The following ZAN variants were observed in gnomAD, a reference collection of about 807,000 sequenced individuals.
The protein encoded by ZAN is zonadhesin, also known as zonadhesin (gene/pseudogene).
A neutral mutation model predicts 286.2 loss-of-function variants in ZAN; 260 were observed. The observed-to-expected ratio is 0.91, with a 90% confidence interval of 0.82 to 1.01. The LOEUF (loss-of-function observed/expected upper bound fraction) is 1.01, where lower values mean the gene tolerates loss of function less well. Ranked by LOEUF, ZAN falls within the 50% of genes least tolerant of loss-of-function variation. The probability of loss-of-function intolerance (pLI) is 0.00; values close to 1 mark genes in which losing one functional copy is unlikely to be tolerated. For missense variants in ZAN, 3,410 were observed against 3,639.2 expected (o/e 0.94, Z 1.62); for synonymous variants, 1,368 against 1,417.5 (o/e 0.97, Z 0.79).
intron 34 of ZAN, among the ~76,000 whole-genome samples, chr7:100,779,201 T>A (rs1296558111): frequency 2.8e-5 from 4 of 140,868 alleles, no homozygotes; most frequent in African/African-American, 1.1e-4. Context: ...AGACTCTGTC[T>A]CCAAAAAAAA....
chr7:100,783,763 A>AAAAATATAT (rs1562952263), intron 35 of ZAN, among the ~76,000 whole-genome samples: 3 of 7,482 alleles, frequency 4.0e-4, no homozygotes, highest in African/African-American at 1.1e-3. Flanking sequence ...AAAAAAAAAA[A>AAAAATATAT]ATATATATAT....
chr7:100,753,752 G>A (rs1186544525), intron 14 of ZAN, among the ~76,000 whole-genome samples: 1 of 147,936 alleles, frequency 6.8e-6, no homozygotes. Context: ...AGGATCACTT[G>A]AGCCTAGGAG....
chr7:100,758,449 G>T, intron 16 of ZAN, 82 bp from the exon 17 acceptor site: 1 of 1,564,108 alleles, frequency 6.4e-7, no homozygotes, highest in South Asian at 1.2e-5. Flanking sequence ...GCCTGCCACC[G>T]GGCAGCGGGT....
intron 39 of ZAN, among the ~76,000 whole-genome samples, 167 bp from the exon 40 acceptor site, chr7:100,790,775 C>T (rs759951848): frequency 6.7e-5 from 10 of 148,432 alleles, no homozygotes; most frequent in South Asian, 2.1e-4. Flanking sequence ...TCCAGCTACT[C>T]GGGAGGCTGA....
chr7:100,750,771 G>A lies in ZAN; in HGVS notation c.1396G>A (p.Glu466Lys), dbSNP rs369072360. The change falls in exon 12 of 48, where the codon GAA becomes AAA. Residue 466 changes from glutamate to lysine, a missense_variant. This residue lies in a region of ZAN where 872 missense variants were observed against 938.9 expected (regional missense o/e 0.93). Transcript: ENST00000613979. ...MYGLGEGTML[E>K]LLLGSPAGSP... ...TGGCCTTGGGGAGGGTACTATGCTC[G>A]AACTCCTCCTGGGAAGTCCTGCGGG... The A allele has an allele frequency of 5.4e-5, 87 of 1,612,900 alleles. No homozygotes were observed. Among genetic ancestry groups the A allele is most frequent in the South Asian group, 6.6e-5 (6 of 90,918 alleles).
At chr7:100,797,519 C>T (rs569304295) in intron 46 of ZAN, 54 bp downstream of exon 46, 35 of 1,613,510 alleles carry the variant, frequency 2.2e-5, no homozygotes, top group Admixed American at 6.7e-5. Context: ...AACCGGGAAG[C>T]GGCTGGGCCC....
intron 44 of ZAN, among the ~76,000 whole-genome samples, chr7:100,794,841 A>AAGAAG (rs957946388): frequency 6.7e-6 from 1 of 148,528 alleles, no homozygotes; most frequent in Admixed American, 6.7e-5. Flanking sequence ...TGTCTCAAAA[A>AAGAAG]AGAAGAGAAG....
chr7:100,750,511 G>C, intron 11 of ZAN, 114 bp from the exon 12 acceptor site: 1 of 1,264,590 alleles, frequency 7.9e-7, no homozygotes, highest in East Asian at 2.6e-5. Flanking sequence ...GCTACGACCT[G>C]GGAAATTTGA....
At chr7:100,742,387 G>GC (rs1554397641) in intron 7 of ZAN, among the ~76,000 whole-genome samples, 1 of 43,206 alleles carries the variant, frequency 2.3e-5, no homozygotes, top group Non-Finnish European at 4.8e-5. Context: ...CCCAGACTGG[G>GC]CGGCCGGGCA....
intron 7 of ZAN, among the ~76,000 whole-genome samples, chr7:100,742,878 AGGGAGG>A (rs1264617560): frequency 0.013 from 10 of 756 alleles, no homozygotes; most frequent in Non-Finnish European, 0.017. Context: ...GACGAGGGAG[AGGGAGG>A]GGGAGGGGGA....
At chr7:100,777,772 G>C (rs1810918599) in intron 34 of ZAN, among the ~76,000 whole-genome samples, 1 of 151,550 alleles carries the variant, frequency 6.6e-6, no homozygotes, top group African/African-American at 2.4e-5. Context: ...TAAATTTTTT[G>C]TAGAGACAGG....
intron 14 of ZAN, among the ~76,000 whole-genome samples, chr7:100,753,890 A>T (rs1359775004): frequency 6.6e-6 from 1 of 151,442 alleles, no homozygotes. Context: ...GTATATTCCT[A>T]AGGTTGTGCA....
chr7:100,743,870 G>A (rs1423936892), intron 7 of ZAN, among the ~76,000 whole-genome samples: 2 of 151,110 alleles, frequency 1.3e-5, no homozygotes, highest in African/African-American at 4.9e-5. Context: ...GAGTGAGATT[G>A]TGTCTCAAAA....
chr7:100,788,807 T>A (rs1811745255), intron 38 of ZAN, among the ~76,000 whole-genome samples: 1 of 152,122 alleles, frequency 6.6e-6, no homozygotes, highest in African/African-American at 2.4e-5. Flanking sequence ...CAAGTGATTA[T>A]CCTGCCTCAA....
At chr7:100,792,356 C>G in intron 41 of ZAN, 49 bp from the exon 42 acceptor site, 4 of 1,552,072 alleles carry the variant, frequency 2.6e-6, no homozygotes, top group Non-Finnish European at 3.5e-6. Flanking sequence ...GGTGGGTCTC[C>G]TCCCCTCCCC....
intron 18 of ZAN, among the ~76,000 whole-genome samples, chr7:100,760,157 T>G (rs185275000): frequency 4.5e-4 from 69 of 152,210 alleles, no homozygotes; most frequent in African/African-American, 1.5e-3. Flanking sequence ...GAGGCTGCAG[T>G]GAGCTGTGAT....
Position 100,751,185 on chromosome 7 carries a change from A to T in ZAN, c.1525A>T (p.Ile509Phe). 1 of 1,604,146 alleles carries T rather than the reference A, an allele frequency of 6.2e-7. No individual in the cohort carries two copies. The highest frequency in any genetic ancestry group is 1.1e-5 in the South Asian group (1 of 89,560). Residue 509 changes from isoleucine (I) to phenylalanine (F), a missense_variant, in exon 13 of 48, where the codon ATT becomes TTT. By Grantham distance (21) the Ile-to-Phe change is conservative. This residue lies in a region of ZAN where 872 missense variants were observed against 938.9 expected (regional missense o/e 0.93). Coordinates refer to ENST00000613979, the MANE Select transcript of ZAN (RefSeq NM_003386.3). Reference sequence around the variant, plus strand: ...CTCTCTCCCTTGTCGCCTTTAGCTTATTTTCAAGGGCATCCAGGGAAGCAA... The same window carrying T: ...CTCTCTCCCTTGTCGCCTTTAGCTTTTTTTCAAGGGCATCCAGGGAAGCAA... The part of the protein sequence containing the change: ...PSGHQQPMQL[I>F]FKGIQGSNTA...
chr7:100,750,870 C>A lies in ZAN; in HGVS notation c.1495C>A (p.Pro499Thr), dbSNP rs1310782762. Residue 499 changes from proline to threonine, a missense_variant, in exon 12 of 48, where the codon CCC (proline) becomes ACC (threonine). Physicochemically the swap from Pro to Thr is conservative, Grantham distance 38. This residue lies in a region of ZAN where 872 missense variants were observed against 938.9 expected (regional missense o/e 0.93). Coordinates refer to ENST00000613979, the MANE Select transcript of ZAN (RefSeq NM_003386.3). The stretch of plus-strand genomic sequence containing the variant: ...CTGGCAGAACACCTCCGTCACCGTC[C>A]CCTCAGGACACCAACAGCCCATGCA... ...PYWQNTSVTV[P>T]SGHQQPMQLI... The A allele has an allele frequency of 7.7e-6, 12 of 1,561,086 alleles. No individual in the cohort carries two copies. Among genetic ancestry groups the A allele is most frequent in the Admixed American group, 1.8e-5 (1 of 55,494 alleles).
chr7:100,753,259 C>A, intron 14 of ZAN, 30 bp downstream of exon 14: 1 of 1,539,804 alleles, frequency 6.5e-7, no homozygotes. Context: ...TGGGCCAAGG[C>A]TGAAAGTCAG....
Sources: allele counts gnomAD v4.1 joint callset (sites outside exome capture counted in the v4.1 genomes callset), GRCh38; gene constraint gnomAD v4.1.1; regional missense constraint gnomAD v4.1.1; transcripts MANE v1.5; gene names NCBI Gene and HGNC (gene_info 2026-07-23, HGNC 2026-07-21).